ZNF385D: variants seen among roughly 807,000 people sequenced by gnomAD.
ZNF385D encodes zinc finger protein 385D, also known as zinc finger protein 659.
Under a neutral mutation model 35.8 loss-of-function variants are expected in ZNF385D, and 15 were observed. That is an observed-to-expected ratio of 0.42 (90% confidence interval 0.28 to 0.64). The LOEUF is 0.64. ZNF385D is among the 30% of genes least tolerant of loss of function. ZNF385D has a pLI of 0.23. For synonymous variants in ZNF385D, 212 were observed against 186.8 expected, an observed-to-expected ratio of 1.13 and a Z score of -1.10; for missense variants, 474 against 494.6, an observed-to-expected ratio of 0.96 and a Z score of 0.39.
At chr3:21,881,373 C>T (rs1698267988) in intron 3 of ZNF385D, among the ~76,000 whole-genome samples, 1 of 151,970 alleles carries the variant, frequency 6.6e-6, no homozygotes, top group African/African-American at 2.4e-5. Context: ...AAGAATGATG[C>T]TAAATCTACT....
At chr3:22,211,462 C>T (rs541965063) in intron 2 of ZNF385D, among the ~76,000 whole-genome samples, 62 of 151,900 alleles carry the variant, frequency 4.1e-4, no homozygotes, top group Admixed American at 5.3e-4. Context: ...TTAGCTGGTC[C>T]GAATAGAGAC....
intron 3 of ZNF385D, among the ~76,000 whole-genome samples, chr3:22,094,947 C>A (rs1431149166): frequency 6.6e-6 from 1 of 151,882 alleles, no homozygotes; most frequent in African/African-American, 2.4e-5. Flanking sequence ...ACTCTGTTAC[C>A]CAAGGTGGAG....
intron 1 of ZNF385D, among the ~76,000 whole-genome samples, chr3:21,742,567 A>G (rs1305698302): frequency 6.6e-6 from 1 of 152,174 alleles, no homozygotes; most frequent in Admixed American, 6.5e-5. Context: ...CAGTTCTACC[A>G]ATGAGCGGCA....
chr3:21,864,070 G>A lies in ZNF385D; in HGVS notation c.326-199042C>T, dbSNP rs1322992414. 2.0e-5 allele frequency among the ~76,000 whole-genome samples: 3 copies of A among 152,118 alleles called. No individual in the cohort carries two copies. In the South Asian group the frequency reaches 6.2e-4, roughly 32 times the overall value. ...TCACAATAAAGGAAGATCCAGGTAA[G>A]GAGTGTGCCTCTACCGATGAATATA... is the stretch of plus-strand genomic sequence containing the variant. On this transcript the variant is annotated intron_variant, in intron 3 of 5. Transcript: ENST00000494108.
chr3:21,560,805 T>G (rs769875872), intron 3 of ZNF385D, among the ~76,000 whole-genome samples: 2 of 152,126 alleles, frequency 1.3e-5, no homozygotes, highest in African/African-American at 2.4e-5. Flanking sequence ...TATAAGCCCC[T>G]GACTGGGGCT....
At chr3:21,511,664 C>T (rs771605709) in intron 3 of ZNF385D, 8 of 455,316 alleles carry the variant, frequency 1.8e-5, no homozygotes, top group Admixed American at 7.1e-5. Context: ...ATTTTTTCAG[C>T]GCATGGATCT....
intron 1 of ZNF385D, among the ~76,000 whole-genome samples, chr3:21,672,470 G>C (rs186140209): frequency 2.6e-5 from 4 of 152,168 alleles, no homozygotes; most frequent in Admixed American, 2.0e-4. Context: ...GGTGACTGCT[G>C]TCTCATACAT....
At chr3:22,371,476 T>C (rs1696902029) in intron 2 of ZNF385D, among the ~76,000 whole-genome samples, 1 of 152,098 alleles carries the variant, frequency 6.6e-6, no homozygotes, top group Non-Finnish European at 1.5e-5. Context: ...AAACCACGCA[T>C]CACTCGTTTG....
intron 4 of ZNF385D, among the ~76,000 whole-genome samples, chr3:21,488,108 G>T (rs79996038): frequency 0.061 from 9,218 of 151,930 alleles, 345 homozygotes; most frequent in South Asian, 0.079. Context: ...GTCCCTTTTG[G>T]ATATATTTTT....
chr3:21,904,172 C>G (rs1699554856), intron 3 of ZNF385D, among the ~76,000 whole-genome samples: 1 of 151,638 alleles, frequency 6.6e-6, no homozygotes, highest in South Asian at 2.1e-4. Context: ...GGTGTGGTGA[C>G]AAGTACCTGT....
intron 3 of ZNF385D, among the ~76,000 whole-genome samples, chr3:22,014,205 AC>A (rs1696743221): frequency 6.6e-6 from 1 of 151,238 alleles, no homozygotes; most frequent in Non-Finnish European, 1.5e-5. Context: ...CATGGCTGCT[AC>A]CTTTTTTTTT....
At chr3:22,372,534 C>G in exon 2 of ZNF385D, 1 of 985,890 alleles carries the variant, frequency 1.0e-6, no homozygotes, top group Non-Finnish European at 1.2e-6. Context: ...CTGGCGGCCG[C>G]CCGGCGCCCT....
At chr3:21,521,113 T>C (rs1352240753) in intron 3 of ZNF385D, among the ~76,000 whole-genome samples, 2 of 152,244 alleles carry the variant, frequency 1.3e-5, no homozygotes, top group African/African-American at 4.8e-5. Flanking sequence ...TTTTATGAAC[T>C]TGCCCCAGAG....
At chr3:21,887,904 G>A (rs904708937) in intron 3 of ZNF385D, among the ~76,000 whole-genome samples, 4 of 151,900 alleles carry the variant, frequency 2.6e-5, no homozygotes, top group African/African-American at 9.7e-5. Context: ...TGTAACAGAA[G>A]GTTTTTAAAT....
intron 3 of ZNF385D, among the ~76,000 whole-genome samples, chr3:22,089,296 A>G (rs2125598326): frequency 6.6e-6 from 1 of 152,334 alleles, no homozygotes; most frequent in East Asian, 1.9e-4. Flanking sequence ...TAATCCTAAT[A>G]TAGCATTTTG....
intron 2 of ZNF385D, among the ~76,000 whole-genome samples, chr3:22,272,376 ATTAATTCTAAAT>A (rs11273724): frequency 0.43 from 64,885 of 151,542 alleles, 14,098 homozygotes; most frequent in African/African-American, 0.47. Context: ...AGAATTCTAA[ATTAATTCTAAAT>A]TTAATTCTAA....
chr3:22,116,306 A>G (rs1374452637), intron 3 of ZNF385D, among the ~76,000 whole-genome samples: 1 of 152,054 alleles, frequency 6.6e-6, no homozygotes, highest in Non-Finnish European at 1.5e-5. Flanking sequence ...TTGAAGTCAC[A>G]TTTACTGAAA....
At chr3:21,848,789 G>T (rs7653801) in intron 3 of ZNF385D, among the ~76,000 whole-genome samples, 5,839 of 152,076 alleles carry the variant, frequency 0.038, 391 homozygotes, top group African/African-American at 0.13. Context: ...GGCTTCACTG[G>T]TGAATTCCAC....
At chr3:22,322,323 A>AT (rs933685465) in intron 2 of ZNF385D, among the ~76,000 whole-genome samples, 7 of 152,116 alleles carry the variant, frequency 4.6e-5, no homozygotes, top group Non-Finnish European at 7.4e-5. Context: ...CCTCAAATAT[A>AT]TTTTTTTGTC....
Sources: gnomAD v4.1 joint callset for allele counts (sites outside exome capture counted in the v4.1 genomes callset) on GRCh38, gnomAD v4.1.1 for gene constraint, MANE v1.5 for transcripts, NCBI Gene and HGNC (gene_info 2026-07-23, HGNC 2026-07-21) for gene names.